AGT: variants seen among roughly 807,000 people sequenced by gnomAD.
AGT encodes the protein alpha-1 antiproteinase, antitrypsin.
Under a neutral mutation model 28.1 loss-of-function variants are expected in AGT, and 26 were observed. The observed-to-expected ratio is 0.92, with a 90% confidence interval of 0.68 to 1.28. The LOEUF (loss-of-function observed/expected upper bound fraction) is 1.28, where lower values mean the gene tolerates loss of function less well. Ranked by LOEUF, AGT falls within the 50% of genes most tolerant of loss-of-function variation. The probability of loss-of-function intolerance (pLI) is 0.00; values close to 1 mark genes in which losing one functional copy is unlikely to be tolerated. For missense variants in AGT, 596 were observed against 592.3 expected (o/e 1.01, Z -0.06); for synonymous variants, 259 against 259.6 (o/e 1.00, Z 0.02).
At position 230,706,206 on chromosome 1, in the gene AGT, A is replaced by T. The variant is rs1431974822; in HGVS notation, c.830-6T>A. On this transcript the variant is annotated splice_polypyrimidine_tract_variant and splice_region_variant and intron_variant, in intron 2 of 4. Coordinates refer to ENST00000366667, the MANE Select transcript of AGT (RefSeq NM_001384479.1). ...GGAGAAGCCCTTCATCTTCCCTGAA[A>T]TCCAGACAGGAGACAGGGAGGGAAG... 2 of 1,612,928 alleles carry T rather than the reference A, an allele frequency of 1.2e-6. No individual in the cohort carries two copies. The highest frequency in any genetic ancestry group is 3.3e-5 in the Admixed American group (2 of 60,008).
At chr1:230,740,953 G>C (rs1664238352) in intron 1 of AGT, among the ~76,000 whole-genome samples, 1 of 151,868 alleles carries the variant, frequency 6.6e-6, no homozygotes, top group Non-Finnish European at 1.5e-5. Context: ...TCAAAAATTA[G>C]GATTTTTTTG....
Position 230,706,119 on chromosome 1 carries a change from A to C in AGT, c.911T>G (p.Leu304Arg). The C allele has an allele frequency of 6.2e-7, 1 of 1,613,854 alleles. No homozygotes were observed. The highest frequency in any genetic ancestry group is 1.1e-5 in the South Asian group (1 of 91,064). The change falls in exon 3 of 5, where the codon CTC becomes CGC. Residue 304 changes from leucine (L) to arginine (R), a missense_variant. Transcript: ENST00000366667. ...GTGCTGGAAGGTGCCCATGCCAGAG[A>C]GCATGGGAACAGACACTGAGGTGCT... ...DNSTSVSVPM[L>R]SGMGTFQHWS... is the part of the protein sequence containing the mutation.
At chr1:230,719,468 C>T (rs989210920), upstream of AGT, among the ~76,000 whole-genome samples, 11 of 142,578 alleles carry the variant, frequency 7.7e-5, no homozygotes, top group Non-Finnish European at 1.2e-4. Context: ...AGTGCAGTGG[C>T]GGGATCTCGG....
intron 1 of AGT, among the ~76,000 whole-genome samples, chr1:230,737,808 G>A (rs1664182091): frequency 6.6e-6 from 1 of 152,148 alleles, no homozygotes; most frequent in South Asian, 2.1e-4. Flanking sequence ...ATTTAGAGTT[G>A]TGCAACCACC....
At chr1:230,737,342 A>G (rs1664175123) in intron 1 of AGT, among the ~76,000 whole-genome samples, 1 of 152,020 alleles carries the variant, frequency 6.6e-6, no homozygotes, top group East Asian at 1.9e-4. Flanking sequence ...ATGGAGTTTC[A>G]CTTTTGTCAC....
At chr1:230,743,618 G>C (rs1664289571) in intron 1 of AGT, among the ~76,000 whole-genome samples, 1 of 152,304 alleles carries the variant, frequency 6.6e-6, no homozygotes, top group Middle Eastern at 3.4e-3. Context: ...TCGCAGCCGG[G>C]TGGGCTCACT....
chr1:230,739,693 G>C (rs1214881550), intron 1 of AGT, among the ~76,000 whole-genome samples: 1 of 152,164 alleles, frequency 6.6e-6, no homozygotes, highest in Non-Finnish European at 1.5e-5. Context: ...AAAGAAGCTG[G>C]TTCCCAGAGA....
At chr1:230,708,549 C>T (rs1663462542) in intron 2 of AGT, among the ~76,000 whole-genome samples, 1 of 152,150 alleles carries the variant, frequency 6.6e-6, no homozygotes, top group African/African-American at 2.4e-5. Flanking sequence ...AAGGGAAAGA[C>T]CTCAAGGAGG....
At chr1:230,711,034 C>T (rs1663575249) in intron 1 of AGT, among the ~76,000 whole-genome samples, 181 bp from the exon 2 acceptor site, 1 of 152,188 alleles carries the variant, frequency 6.6e-6, no homozygotes, top group Non-Finnish European at 1.5e-5. Context: ...CTACATGATC[C>T]AAGTGCAAAA....
rs1399693316 is a variant in AGT at position 230,706,175 on chromosome 1, C to T, written c.855G>A (p.Leu285=). 1 of 1,613,678 alleles carries T rather than the reference C, an allele frequency of 6.2e-7. No individual in the cohort carries two copies. The highest frequency in any genetic ancestry group is 8.5e-7 in the Non-Finnish European group (1 of 1,179,774). The part of the protein sequence containing the change: ...FQGKMKGFSL[L]AEPQEFWVDN... ...CCACCCAGAACTCCTGGGGCTCGGC[C>T]AGCAGGGAGAAGCCCTTCATCTTCC... is the stretch of plus-strand genomic sequence containing the variant. Residue 285 remains leucine (L), a synonymous_variant, in exon 3 of 5, where the codon CTG becomes CTA. Transcript: ENST00000366667.
At chr1:230,725,020 G>T (rs1224454872) in intron 1 of AGT, among the ~76,000 whole-genome samples, 2 of 152,104 alleles carry the variant, frequency 1.3e-5, no homozygotes, top group African/African-American at 4.8e-5. Flanking sequence ...TGATTAATTA[G>T]CTCTTTATTA....
upstream of AGT, among the ~76,000 whole-genome samples, chr1:230,714,588 G>A (rs61757164): frequency 5.4e-4 from 83 of 152,322 alleles, no homozygotes; most frequent in African/African-American, 1.7e-3. Flanking sequence ...CCGCTCATGG[G>A]ATGTGTGACC....
intron 1 of AGT, among the ~76,000 whole-genome samples, chr1:230,741,374 G>C (rs1242681178): frequency 6.6e-6 from 1 of 152,214 alleles, no homozygotes; most frequent in Non-Finnish European, 1.5e-5. Context: ...GGAACCACCA[G>C]GTCGTCCACG....
At chr1:230,706,348 T>G in intron 2 of AGT, 148 bp from the exon 3 acceptor site, 1 of 874,372 alleles carries the variant, frequency 1.1e-6, no homozygotes, top group Non-Finnish European at 1.7e-6. Context: ...TGCATTCTCC[T>G]GGCCACAGGA....
chr1:230,719,880 G>T (rs1663811143), intron 1 of AGT, among the ~76,000 whole-genome samples: 1 of 152,184 alleles, frequency 6.6e-6, no homozygotes, highest in Non-Finnish European at 1.5e-5. Context: ...AGCAAAAAGT[G>T]ATTGCTGCCT....
chr1:230,726,865 A>T (rs184760293), intron 1 of AGT, among the ~76,000 whole-genome samples: 1 of 152,178 alleles, frequency 6.6e-6, no homozygotes, highest in Non-Finnish European at 1.5e-5. Context: ...TGTCTCCCCA[A>T]CCATTTGCTT....
upstream of AGT, among the ~76,000 whole-genome samples, chr1:230,715,538 A>AT (rs983305678): frequency 7.2e-5 from 11 of 152,292 alleles, no homozygotes; most frequent in African/African-American, 1.9e-4. Context: ...TTTTAATTTA[A>AT]TTTTTTTAAA....
At chr1:230,708,448 A>T (rs1663456646) in intron 2 of AGT, among the ~76,000 whole-genome samples, 1 of 151,988 alleles carries the variant, frequency 6.6e-6, no homozygotes, top group Non-Finnish European at 1.5e-5. Context: ...GCCACCCTCA[A>T]CCGGGCAACC....
At chr1:230,707,310 G>A (rs979304647) in intron 2 of AGT, among the ~76,000 whole-genome samples, 8 of 152,210 alleles carry the variant, frequency 5.3e-5, no homozygotes, top group East Asian at 1.9e-4. Flanking sequence ...CCTATTCTGC[G>A]GTTGTTCTTA....
Sources: gnomAD v4.1 joint callset for allele counts (sites outside exome capture counted in the v4.1 genomes callset) on GRCh38, gnomAD v4.1.1 for gene constraint, MANE v1.5 for transcripts, NCBI Gene and HGNC (gene_info 2026-07-23, HGNC 2026-07-21) for gene names.